GLT1D1: variants seen among roughly 807,000 people sequenced by gnomAD.
The protein encoded by GLT1D1 is glycosyltransferase 1 domain containing 1.
A neutral mutation model predicts 28.7 loss-of-function variants in GLT1D1; 21 were observed. That is an observed-to-expected ratio of 0.73 (90% CI 0.52 to 1.05). The LOEUF is 1.05. Ranked by LOEUF, GLT1D1 falls within the 50% of genes least tolerant of loss-of-function variation. The pLI, the probability that GLT1D1 is intolerant of heterozygous loss-of-function variation, is 0.00. For missense variants in GLT1D1, 343 were observed against 330.6 expected (o/e 1.04, Z -0.29); for synonymous variants, 147 against 124.8 (o/e 1.18, Z -1.19).
rs189896083 is a variant in GLT1D1, at chr12:128,882,420, G to A, written c.218-6219G>A. ...GCCTCTCGAGTAGCTGGGATTATAG[G>A]CGCCCACCACCATGCCCTGCTAATT... On this transcript the variant is annotated intron_variant, in intron 2 of 7. Transcript: ENST00000281703. 3.1e-4 allele frequency among the ~76,000 whole-genome samples: 47 copies of A among 151,924 alleles called. No individual in the cohort carries two copies. The East Asian group carries it at 7.9e-3, about 26-fold the overall frequency.
chr12:128,928,651 G>A (rs1197814517), intron 4 of GLT1D1, among the ~76,000 whole-genome samples: 7 of 147,896 alleles, frequency 4.7e-5, no homozygotes, highest in Admixed American at 2.8e-4. Flanking sequence ...ATGGAGTTTC[G>A]CTCCTGTCAC....
At chr12:128,949,891 G>C (rs943777977) in intron 6 of GLT1D1, among the ~76,000 whole-genome samples, 7 of 152,156 alleles carry the variant, frequency 4.6e-5, no homozygotes, top group African/African-American at 1.7e-4. Flanking sequence ...GCCTGAGAGA[G>C]AGGAAGCCCA....
At chr12:128,864,253 C>CT (rs5801826) in intron 1 of GLT1D1, 48,918 of 545,440 alleles carry the variant, frequency 0.09, 4,006 homozygotes, top group African/African-American at 0.26. Flanking sequence ...AGATGAGAAG[C>CT]TGAGTGTGGG....
chr12:128,903,584 G>C (rs546765790), intron 4 of GLT1D1, among the ~76,000 whole-genome samples: 4 of 151,618 alleles, frequency 2.6e-5, no homozygotes, highest in Non-Finnish European at 5.9e-5. Context: ...TGCTTCTCAA[G>C]TGGTGAGCTT....
intron 7 of GLT1D1, among the ~76,000 whole-genome samples, chr12:128,961,825 C>G (rs2135523711): frequency 6.6e-6 from 1 of 152,326 alleles, no homozygotes; most frequent in East Asian, 1.9e-4. Context: ...CTGGACATCC[C>G]TTAGCCCAGG....
chr12:128,874,120 CTCT>C (rs1956802862), intron 1 of GLT1D1, among the ~76,000 whole-genome samples: 2 of 52,782 alleles, frequency 3.8e-5, no homozygotes, highest in African/African-American at 1.8e-4. Flanking sequence ...CTCTCTCTCT[CTCT>C]CTCTTTCTTT....
At chr12:128,904,815 A>G (rs1351771310) in intron 4 of GLT1D1, among the ~76,000 whole-genome samples, 1 of 148,028 alleles carries the variant, frequency 6.8e-6, no homozygotes, top group African/African-American at 2.6e-5. Context: ...TGTATTTTGA[A>G]TAGAGATGGG....
At chr12:128,982,068 G>T (rs1011144348) in intron 7 of GLT1D1, among the ~76,000 whole-genome samples, 1 of 152,138 alleles carries the variant, frequency 6.6e-6, no homozygotes, top group African/African-American at 2.4e-5. Flanking sequence ...ATTAAAACCA[G>T]GTCAGCAGGA....
intron 7 of GLT1D1, among the ~76,000 whole-genome samples, chr12:128,970,902 G>A (rs1276547213): frequency 6.6e-6 from 1 of 152,188 alleles, no homozygotes; most frequent in Admixed American, 6.5e-5. Flanking sequence ...GCTGTCCCTC[G>A]CAGGGACTCT....
chr12:128,901,030 CT>C (rs1398749424), intron 4 of GLT1D1, among the ~76,000 whole-genome samples: 1 of 152,214 alleles, frequency 6.6e-6, no homozygotes, highest in Non-Finnish European at 1.5e-5. Flanking sequence ...CCCTGGGACT[CT>C]TTCAGGGCCT....
intron 1 of GLT1D1, among the ~76,000 whole-genome samples, chr12:128,865,695 G>T (rs139680853): frequency 6.6e-6 from 1 of 152,066 alleles, no homozygotes. Context: ...GGTGGCATGC[G>T]CCTATAATCC....
chr12:128,960,687 G>C (rs13377916), intron 7 of GLT1D1, among the ~76,000 whole-genome samples: 4,799 of 152,000 alleles, frequency 0.032, 111 homozygotes, highest in African/African-American at 0.067. Context: ...AACCTAGGAG[G>C]GGGAGGTTGC....
In GLT1D1 at chr12:128,973,179, G is replaced by GTTTT. The variant is rs61169176; in HGVS notation, c.640-9726_640-9723dup. Among the ~76,000 whole-genome samples, 238 of 50,978 alleles carry GTTTT rather than the reference G, an allele frequency of 4.7e-3. 44 individuals are homozygous for GTTTT. Among genetic ancestry groups the GTTTT allele is most frequent in the African/African-American group, 0.012 (192 of 16,694 alleles). The allele number at this position is 50,978 out of a possible 152,430, so 33.4% of individuals were successfully genotyped here. ...CTTTTCTGTTTTGTTTGTTTGCTTG[G>GTTTT]TTTTTTTTTTTTTTTTTTTTTTTTT... On this transcript the variant is annotated intron_variant, in intron 7 of 7. Coordinates refer to ENST00000281703, the MANE Select transcript of GLT1D1 (RefSeq NM_144669.3).
chr12:128,969,575 A>G (rs895688687), intron 7 of GLT1D1, among the ~76,000 whole-genome samples: 6 of 152,164 alleles, frequency 3.9e-5, no homozygotes, highest in African/African-American at 1.2e-4. Flanking sequence ...GTGAGCCACA[A>G]GGTGGGGCTC....
chr12:128,879,379 T>TTTCTTTCC (rs1566096240), intron 2 of GLT1D1, among the ~76,000 whole-genome samples: 3 of 19,830 alleles, frequency 1.5e-4, no homozygotes, highest in East Asian at 1.5e-3. Context: ...TTTTTTTCTT[T>TTTCTTTCC]TTCTTTCTTT....
intron 4 of GLT1D1, among the ~76,000 whole-genome samples, chr12:128,914,135 A>G (rs1871842251): frequency 6.6e-6 from 1 of 152,064 alleles, no homozygotes; most frequent in African/African-American, 2.4e-5. Context: ...CTGAATTTCT[A>G]AATTGTAAAA....
rs760485928 is a variant in GLT1D1 at position 128,970,964 on chromosome 12, G to A, written c.640-11965G>A. On this transcript the variant is annotated intron_variant, in intron 7 of 7. Coordinates refer to ENST00000281703, the MANE Select transcript of GLT1D1 (RefSeq NM_144669.3). ...CTGGAAGGGATGATTATGCCCCGGC[G>A]TACAAGGCGCAACCCTTCCAGAGGG... 3.9e-5 allele frequency among the ~76,000 whole-genome samples: 6 copies of A among 152,224 alleles called. No individual in the cohort carries two copies. The East Asian group carries it at 7.7e-4, about 20-fold the overall frequency.
At chr12:128,910,524 G>T (rs1276054578) in intron 4 of GLT1D1, among the ~76,000 whole-genome samples, 1 of 152,010 alleles carries the variant, frequency 6.6e-6, no homozygotes, top group Non-Finnish European at 1.5e-5. Context: ...GTTGCCAGGC[G>T]AGTGTTTTGG....
chr12:128,923,021 G>T (rs1454805961), intron 4 of GLT1D1, among the ~76,000 whole-genome samples: 3 of 151,600 alleles, frequency 2.0e-5, no homozygotes, highest in Non-Finnish European at 4.4e-5. Flanking sequence ...GGCTTATTCA[G>T]AGGCTGTGAC....
Sources: allele counts gnomAD v4.1 joint callset (sites outside exome capture counted in the v4.1 genomes callset), GRCh38; gene constraint gnomAD v4.1.1; transcripts MANE v1.5; gene names NCBI Gene and HGNC (gene_info 2026-07-23, HGNC 2026-07-21).